MYO1H: variants seen among roughly 807,000 people sequenced by gnomAD.
MYO1H encodes myosin IH, also known as unconventional myosin-Ih.
A neutral mutation model predicts 149.3 loss-of-function variants in MYO1H; 118 were observed. That is an observed-to-expected ratio of 0.79 (90% CI 0.68 to 0.92). MYO1H has a LOEUF of 0.92. Ranked by LOEUF, MYO1H falls within the 40% of genes least tolerant of loss-of-function variation. MYO1H has a pLI of 0.00. For synonymous variants in MYO1H, 447 were observed against 465.2 expected (o/e 0.96, Z 0.50); for missense variants, 1,212 against 1,280.7 (o/e 0.95, Z 0.82).
At chr12:109,347,010 A>G (rs2048104723), upstream of MYO1H, among the ~76,000 whole-genome samples, 2 of 152,304 alleles carry the variant, frequency 1.3e-5, no homozygotes, top group Non-Finnish European at 1.5e-5. Flanking sequence ...GGGTTCTCCA[A>G]TAGGATATAT....
chr12:109,367,608 A>G (rs763712284), intron 1 of MYO1H, among the ~76,000 whole-genome samples: 2 of 151,736 alleles, frequency 1.3e-5, no homozygotes, highest in Non-Finnish European at 2.9e-5. Context: ...CTGGAGTACA[A>G]TGACACTATC....
At chr12:109,397,058 C>T (rs1426351977) in intron 4 of MYO1H, among the ~76,000 whole-genome samples, 1 of 151,858 alleles carries the variant, frequency 6.6e-6, no homozygotes, top group Non-Finnish European at 1.5e-5. Context: ...GAACTCCTGA[C>T]CTCAGGTGAC....
chr12:109,348,718 A>G (rs1868389754), intron 1 of MYO1H, among the ~76,000 whole-genome samples: 1 of 152,204 alleles, frequency 6.6e-6, no homozygotes, highest in South Asian at 2.1e-4. Flanking sequence ...ACTTCCAAGG[A>G]CAGGTTTTCT....
chr12:109,396,389 CTA>C lies in MYO1H; in HGVS notation c.299_300del (p.Ile100SerfsTer11). 7 of 1,607,414 alleles carry C rather than the reference CTA, an allele frequency of 4.4e-6. No homozygotes were observed. The highest frequency in any genetic ancestry group is 6.0e-6 in the Non-Finnish European group (7 of 1,176,256). On this transcript the variant is annotated frameshift_variant, in exon 4 of 32. Coordinates refer to ENST00000310903, the Ensembl canonical transcript of MYO1H. LOFTEE classifies it high-confidence loss of function. The stretch of plus-strand genomic sequence containing the variant: ...CCGTCTCACTCCTCCTCCAGCTACG[CTA>C]TAGCCGACAACGCTTACCGAATGAT...
At chr12:109,432,768 G>T in intron 19 of MYO1H, 129 bp from the exon 20 acceptor site, 1 of 676,592 alleles carries the variant, frequency 1.5e-6, no homozygotes, top group South Asian at 1.9e-5. Flanking sequence ...TTCGTGTAAT[G>T]GGACTACTAC....
chr12:109,337,014 A>C, the MYO1H span, among the ~76,000 whole-genome samples: 2 of 152,146 alleles, frequency 1.3e-5, no homozygotes, highest in Admixed American at 6.5e-5. Context: ...ACAGGAACCC[A>C]CTACCCCATC....
chr12:109,385,263 A>T (rs1869279299), intron 1 of MYO1H, among the ~76,000 whole-genome samples: 1 of 151,196 alleles, frequency 6.6e-6, no homozygotes, highest in African/African-American at 2.4e-5. Context: ...AATATTTGGG[A>T]TTACTAAAAT....
chr12:109,410,076 T>C lies in MYO1H; in HGVS notation c.1329+8T>C. On this transcript the variant is annotated splice_region_variant and intron_variant, in intron 12 of 31. Coordinates refer to ENST00000310903, the Ensembl canonical transcript of MYO1H. ...GAAATGGAAGGCATAGAGGTAAACA[T>C]TTTGATGTTTTCTCCTCATCTGATT... 3.6e-6 allele frequency: 5 copies of C among 1,389,854 alleles called. No homozygotes were observed. The highest frequency in any genetic ancestry group is 3.9e-6 in the Non-Finnish European group (4 of 1,035,430). 86.1% of individuals were successfully genotyped at this position (1,389,854 alleles called of 1,614,324 possible). A position where few individuals can be genotyped will look rare whatever the true frequency, so the allele number is the denominator to read the frequency against.
At chr12:109,446,143 C>T in intron 31 of MYO1H, 1 of 985,390 alleles carries the variant, frequency 1.0e-6, no homozygotes. Context: ...ATGTTAATAC[C>T]TTTGGTATAA....
chr12:109,371,526 C>G (rs946724101), intron 1 of MYO1H, among the ~76,000 whole-genome samples: 8 of 152,058 alleles, frequency 5.3e-5, no homozygotes, highest in Non-Finnish European at 1.2e-4. Flanking sequence ...CCTTGTTTTT[C>G]TTACAAATGG....
intron 1 of MYO1H, among the ~76,000 whole-genome samples, chr12:109,364,171 TAAAAAAAAAAAAAAA>T (rs746308903): frequency 1.7e-4 from 15 of 90,290 alleles, no homozygotes; most frequent in Admixed American, 2.7e-4. Flanking sequence ...ACCATGTCTT[TAAAAAAAAAAAAAAA>T]AAAAAAAAAA....
At chr12:109,374,512 CAT>C (rs774573809) in intron 1 of MYO1H, among the ~76,000 whole-genome samples, 10 of 152,112 alleles carry the variant, frequency 6.6e-5, no homozygotes, top group Non-Finnish European at 1.0e-4. Flanking sequence ...ATAATAGTAA[CAT>C]ATTCTTTTAT....
At chr12:109,318,983 T>TTTTTTG in the MYO1H span, among the ~76,000 whole-genome samples, 953 of 144,888 alleles carry the variant, frequency 6.6e-3, 41 homozygotes, top group African/African-American at 0.016. Context: ...TTTTTTTTTT[T>TTTTTTG]TTTTTTTTTT....
chr12:109,430,965 C>T (rs925432819), intron 19 of MYO1H, among the ~76,000 whole-genome samples: 8 of 149,164 alleles, frequency 5.4e-5, no homozygotes, highest in East Asian at 2.0e-4. Context: ...AGTTTAAAAT[C>T]GGATTTTAGA....
At chr12:109,388,814 C>A in exon 2 of MYO1H, 1 of 1,612,900 alleles carries the variant, frequency 6.2e-7, no homozygotes, top group Non-Finnish European at 8.5e-7. Flanking sequence ...TCGACAACCT[C>A]CGCAAGCGTT....
At chr12:109,416,379 G>T (rs79695819) in intron 15 of MYO1H, among the ~76,000 whole-genome samples, 22,292 of 142,436 alleles carry the variant, frequency 0.16, 2,089 homozygotes, top group African/African-American at 0.26. Context: ...GTTGTTGTTG[G>T]TTTTTTTTTT....
chr12:109,359,964 C>T (rs568924181), intron 1 of MYO1H, among the ~76,000 whole-genome samples: 1 of 152,242 alleles, frequency 6.6e-6, no homozygotes, highest in South Asian at 2.1e-4. Flanking sequence ...GAAAGTGAAG[C>T]GACTCCCCGC....
At position 109,428,799 on chromosome 12, in the gene MYO1H, A is replaced by ACC. The variant is rs1381506494; in HGVS notation, c.1949+1218_1949+1219dup. Among the ~76,000 whole-genome samples the ACC allele has an allele frequency of 3.2e-5, 4 of 124,420 alleles. No individual in the cohort carries two copies. In the South Asian group the frequency reaches 7.3e-4, roughly 23 times the overall value. The allele number at this position is 124,420 out of a possible 152,430, so 81.6% of individuals were successfully genotyped here. Reference sequence around the variant, plus strand: ...CAGGGCAACAGCCACTGCCCACCTCACCCCCCTCCAAACATATACACACTT... The same window carrying ACC: ...CAGGGCAACAGCCACTGCCCACCTCACCCCCCCCTCCAAACATATACACACTT... On this transcript the variant is annotated intron_variant, in intron 19 of 31. Transcript: ENST00000310903.
At chr12:109,312,365 A>G in the MYO1H span, among the ~76,000 whole-genome samples, 1 of 150,524 alleles carries the variant, frequency 6.6e-6, no homozygotes, top group Non-Finnish European at 1.5e-5. Context: ...GGCGCCTGCC[A>G]CCACGCCCAG....
Sources: gnomAD v4.1 joint callset for allele counts (sites outside exome capture counted in the v4.1 genomes callset) on GRCh38, gnomAD v4.1.1 for gene constraint, MANE v1.5 for transcripts, NCBI Gene and HGNC (gene_info 2026-07-23, HGNC 2026-07-21) for gene names.